FAM135A: variants seen among roughly 807,000 people sequenced by gnomAD.
The protein encoded by FAM135A is family with sequence similarity 135 member A.
A neutral mutation model predicts 146.8 loss-of-function variants in FAM135A; 79 were observed. That is an observed-to-expected ratio of 0.54 (90% CI 0.45 to 0.65). FAM135A has a LOEUF of 0.65. Ranked by LOEUF, FAM135A falls within the 30% of genes least tolerant of loss-of-function variation. FAM135A has a pLI of 0.00. For synonymous variants in FAM135A, 562 were observed against 603.6 expected (o/e 0.93, Z 1.01); for missense variants, 1,623 against 1,758.2 (o/e 0.92, Z 1.38).
chr6:70,524,227 C>T, intron 14 of FAM135A, 106 bp downstream of exon 14: 1 of 1,390,438 alleles, frequency 7.2e-7, no homozygotes. Flanking sequence ...TTTTTTCCCT[C>T]TCTAGTTTTA....
chr6:70,521,274 G>A (rs1179075327), intron 12 of FAM135A, among the ~76,000 whole-genome samples: 2 of 152,178 alleles, frequency 1.3e-5, no homozygotes, highest in African/African-American at 2.4e-5. Context: ...CGCCAGTTTC[G>A]TAGGTCCAGC....
intron 18 of FAM135A, among the ~76,000 whole-genome samples, chr6:70,535,732 A>G (rs1796668709): frequency 6.6e-6 from 1 of 152,198 alleles, no homozygotes; most frequent in Admixed American, 6.5e-5. Flanking sequence ...TTTTTGCATA[A>G]TCGAAGATTC....
chr6:70,503,761 C>G (rs989029735), intron 12 of FAM135A: 1 of 152,150 alleles, frequency 6.6e-6, no homozygotes, highest in African/African-American at 2.4e-5. Flanking sequence ...TAGTATTCTT[C>G]TCTATCTTGC....
intron 19 of FAM135A, 57 bp downstream of exon 19, chr6:70,536,468 T>G: frequency 2.2e-6 from 3 of 1,352,664 alleles, no homozygotes; most frequent in Non-Finnish European, 2.9e-6. Context: ...AAATATGAAC[T>G]TAGTATTTTC....
chr6:70,468,886 C>A (rs2128129691), intron 5 of FAM135A, among the ~76,000 whole-genome samples: 1 of 152,240 alleles, frequency 6.6e-6, no homozygotes, highest in East Asian at 1.9e-4. Flanking sequence ...GAATAAACTT[C>A]CAGACTTCTG....
chr6:70,507,858 C>T (rs552008409), intron 12 of FAM135A, among the ~76,000 whole-genome samples: 5 of 151,790 alleles, frequency 3.3e-5, no homozygotes, highest in Non-Finnish European at 7.4e-5. Context: ...GGACAGTTTA[C>T]ACAAAAAGCA....
chr6:70,454,110 C>A (rs1777739575), intron 5 of FAM135A, among the ~76,000 whole-genome samples: 1 of 152,020 alleles, frequency 6.6e-6, no homozygotes, highest in Non-Finnish European at 1.5e-5. Flanking sequence ...ACCATTCTAA[C>A]TGGTGTGACT....
At chr6:70,488,610 C>T (rs1223868951) in intron 10 of FAM135A, among the ~76,000 whole-genome samples, 2 of 152,050 alleles carry the variant, frequency 1.3e-5, no homozygotes, top group Non-Finnish European at 2.9e-5. Context: ...TAACTTTTGA[C>T]TCCTCTAGTA....
At chr6:70,549,211 G>A (rs975975149) in intron 20 of FAM135A, among the ~76,000 whole-genome samples, 28 of 151,868 alleles carry the variant, frequency 1.8e-4, no homozygotes, top group African/African-American at 6.3e-4. Context: ...CTTTTTTTAT[G>A]TCCTCTCCCT....
chr6:70,477,059 AAG>A (rs1782746452), intron 7 of FAM135A, 98 bp from the exon 8 acceptor site: 1 of 1,257,314 alleles, frequency 8.0e-7, no homozygotes, highest in African/African-American at 1.5e-5. Flanking sequence ...AATTTTTAAA[AAG>A]TAATTAAGTA....
chr6:70,490,003 G>A (rs544509410), intron 10 of FAM135A, among the ~76,000 whole-genome samples: 10 of 152,028 alleles, frequency 6.6e-5, no homozygotes, highest in African/African-American at 2.2e-4. Context: ...GTATCTGGCC[G>A]TCTCCCCACT....
At chr6:70,509,034 T>C (rs938414979) in intron 12 of FAM135A, among the ~76,000 whole-genome samples, 1 of 152,182 alleles carries the variant, frequency 6.6e-6, no homozygotes, top group Non-Finnish European at 1.5e-5. Flanking sequence ...TGCACTGTTA[T>C]TTATGGTTCT....
rs925170283 is a variant in FAM135A, at chr6:70,560,769, T to G, written c.*848T>G. Reference sequence around the variant, plus strand: ...TACATAATAATTAAATGTTGAAATTTATGAAATACTTTTATGAATTTAGAT... The same window carrying G: ...TACATAATAATTAAATGTTGAAATTGATGAAATACTTTTATGAATTTAGAT... On this transcript the variant is annotated 3_prime_UTR_variant, in exon 22 of 22. Transcript: ENST00000418814. 1 of 152,584 alleles carries G rather than the reference T, an allele frequency of 6.6e-6. No homozygotes were observed. The highest frequency in any genetic ancestry group is 6.5e-5 in the Admixed American group (1 of 15,276). 9.5% of individuals were successfully genotyped at this position (152,584 alleles called of 1,614,324 possible).
chr6:70,526,733 A>G (rs1693443243), intron 15 of FAM135A, 35 bp downstream of exon 15: 1 of 1,282,128 alleles, frequency 7.8e-7, no homozygotes, highest in Admixed American at 2.1e-5. Context: ...CTGCTGCTAA[A>G]TATATACATA....
chr6:70,528,266 A>G (rs1330531810), intron 15 of FAM135A, 26 bp from the exon 16 acceptor site: 2 of 1,584,558 alleles, frequency 1.3e-6, no homozygotes, highest in Non-Finnish European at 8.6e-7. Flanking sequence ...TCCTTAGTAA[A>G]GAGTATCTTT....
intron 11 of FAM135A, among the ~76,000 whole-genome samples, chr6:70,494,074 AGAT>A (rs1157675969): frequency 2.0e-5 from 3 of 147,400 alleles, no homozygotes; most frequent in Non-Finnish European, 4.5e-5. Context: ...AAAAAAAAAA[AGAT>A]GTTTTAAACA....
At chr6:70,558,049 G>A (rs1217138658) in intron 21 of FAM135A, among the ~76,000 whole-genome samples, 1 of 152,168 alleles carries the variant, frequency 6.6e-6, no homozygotes, top group African/African-American at 2.4e-5. Context: ...TAATAGTGAG[G>A]TTCTGTGACA....
chr6:70,451,555 T>G (rs935634692), intron 4 of FAM135A, among the ~76,000 whole-genome samples: 5 of 152,218 alleles, frequency 3.3e-5, no homozygotes, highest in Non-Finnish European at 5.9e-5. Context: ...AAAGCCATAT[T>G]GTGACTTTTA....
chr6:70,479,799 C>CG (rs1783371482), intron 8 of FAM135A, among the ~76,000 whole-genome samples: 1 of 151,860 alleles, frequency 6.6e-6, no homozygotes, highest in Non-Finnish European at 1.5e-5. Context: ...AATCTATAGA[C>CG]GTTATATCAG....
Sources: allele counts gnomAD v4.1 joint callset (sites outside exome capture counted in the v4.1 genomes callset), GRCh38; gene constraint gnomAD v4.1.1; transcripts MANE v1.5; gene names NCBI Gene and HGNC (gene_info 2026-07-23, HGNC 2026-07-21).